Variants in UTP6 observed in about 807,000 individuals in gnomAD.
UTP6 encodes U3 small nucleolar RNA-associated protein 6 homolog.
A neutral mutation model predicts 96.5 loss-of-function variants in UTP6; 60 were observed. The observed-to-expected ratio is 0.62, with a 90% confidence interval of 0.51 to 0.77. The LOEUF (loss-of-function observed/expected upper bound fraction) is 0.77, where lower values mean the gene tolerates loss of function less well. Among genes scored for constraint, UTP6 ranks in the 30% least tolerant of loss-of-function variants. The probability of loss-of-function intolerance (pLI) is 0.00; values close to 1 mark genes in which losing one functional copy is unlikely to be tolerated. For missense variants in UTP6, 637 were observed against 706.5 expected (o/e 0.90, Z 1.12); for synonymous variants, 215 against 240.1 (o/e 0.90, Z 0.96).
At chr17:31,894,903 C>T (rs547859854) in intron 3 of UTP6, 67 bp downstream of exon 3, 1 of 1,412,814 alleles carries the variant, frequency 7.1e-7, no homozygotes, top group African/African-American at 1.4e-5. Context: ...AAACACAAGT[C>T]CTAACTATAC....
At position 31,901,623 on chromosome 17, in the gene UTP6, G is replaced by A; in HGVS notation, c.5C>T (p.Ala2Val). The A allele has an allele frequency of 1.1e-5, 18 of 1,613,602 alleles. No individual in the cohort carries two copies. Among genetic ancestry groups the A allele is most frequent in the Non-Finnish European group, 1.4e-5 (17 of 1,180,006 alleles). ...TTCTATGCGTTCCTGAATTATCTCT[G>A]CCATGAGGTCCGAGGTCTACAACCC... is the stretch of plus-strand genomic sequence containing the variant. M[A>V]EIIQERIEDR... Residue 2 changes from alanine to valine, a missense_variant, in exon 1 of 19, where the codon GCA becomes GTA. Transcript: ENST00000261708.
intron 7 of UTP6, among the ~76,000 whole-genome samples, chr17:31,888,794 G>A (rs547437855): frequency 1.6e-4 from 24 of 152,298 alleles, no homozygotes; most frequent in African/African-American, 5.3e-4. Flanking sequence ...TACATGGGCC[G>A]GGCGCAGTGG....
At chr17:31,873,544 A>G in intron 15 of UTP6, 57 bp from the exon 16 acceptor site, 1 of 1,606,470 alleles carries the variant, frequency 6.2e-7, no homozygotes, top group Non-Finnish European at 8.5e-7. Context: ...AGATACCAAA[A>G]CAGATTTTCC....
intron 10 of UTP6, among the ~76,000 whole-genome samples, chr17:31,884,095 T>C (rs1164704491): frequency 2.0e-5 from 3 of 149,558 alleles, no homozygotes; most frequent in African/African-American, 7.4e-5. Context: ...GCCTCCCAGG[T>C]TCAAGCGAGT....
intron 13 of UTP6, 35 bp downstream of exon 13, chr17:31,878,215 G>T (rs1326806737): frequency 8.1e-6 from 13 of 1,604,524 alleles, no homozygotes; most frequent in Non-Finnish European, 1.1e-5. Flanking sequence ...TAAGGTATTT[G>T]TAACTGGCAC....
rs763943203 is a variant in UTP6 at position 31,887,247 on chromosome 17, T to C, written c.610A>G (p.Ser204Gly). The C allele has an allele frequency of 1.2e-6, 2 of 1,614,120 alleles. No individual in the cohort carries two copies. The highest frequency in any genetic ancestry group is 8.5e-7 in the Non-Finnish European group (1 of 1,179,948). Reference sequence around the variant, plus strand: ...AATTAGAACCTTACCACATCCATACTGGCTTTTTCAAATTCTTCCTTCTCC... The same window carrying C: ...AATTAGAACCTTACCACATCCATACCGGCTTTTTCAAATTCTTCCTTCTCC... ...RKEKEEFEKA[S>G]MDVENPDYSE... The change falls in exon 8 of 19, where the codon AGT becomes GGT. Residue 204 changes from serine to glycine, a missense_variant. By Grantham distance (56) the Ser-to-Gly change is moderately conservative. Transcript: ENST00000261708.
chr17:31,899,621 AAG>A, intron 2 of UTP6, 23 bp downstream of exon 2: 1 of 1,542,640 alleles, frequency 6.5e-7, no homozygotes, highest in Non-Finnish European at 8.7e-7. Context: ...GAAAAAAAGA[AAG>A]AAATTATTAA....
chr17:31,891,894 GCACCT>G (rs1904341346), intron 6 of UTP6, among the ~76,000 whole-genome samples: 1 of 152,104 alleles, frequency 6.6e-6, no homozygotes, highest in South Asian at 2.1e-4. Context: ...GTGGTGGCGG[GCACCT>G]GTAATCCCAC....
At chr17:31,889,121 C>A (rs1433992662) in intron 7 of UTP6, among the ~76,000 whole-genome samples, 164 bp downstream of exon 7, 1 of 148,408 alleles carries the variant, frequency 6.7e-6, no homozygotes, top group Non-Finnish European at 1.5e-5. Context: ...CCCGCCTCTA[C>A]TAAAAATACA....
intron 4 of UTP6, among the ~76,000 whole-genome samples, chr17:31,893,303 G>A (rs1206979309): frequency 2.6e-5 from 4 of 151,982 alleles, no homozygotes; most frequent in African/African-American, 9.7e-5. Flanking sequence ...GTATGTGCCT[G>A]TAATCCCAGC....
Position 31,892,729 on chromosome 17 carries a change from A to G in UTP6, c.360+18T>C. The stretch of plus-strand genomic sequence containing the variant: ...AAAAGACGGTCAGAGGAAGCAAGAC[A>G]TGCATGGCTTTACTCACCCACTTCT... On this transcript the variant is annotated intron_variant, in intron 5 of 18. Coordinates refer to ENST00000261708, the MANE Select transcript of UTP6 (RefSeq NM_018428.3). 2.5e-6 allele frequency: 4 copies of G among 1,614,114 alleles called. No individual in the cohort carries two copies. Among genetic ancestry groups the G allele is most frequent in the Non-Finnish European group, 3.4e-6 (4 of 1,179,988 alleles).
intron 14 of UTP6, 39 bp downstream of exon 14, chr17:31,875,195 T>A (rs769390449): frequency 6.2e-7 from 1 of 1,607,970 alleles, no homozygotes; most frequent in Non-Finnish European, 8.5e-7. Context: ...TTAAAAGGTT[T>A]CCCAAATATA....
At chr17:31,872,582 G>A (rs1475261172) in intron 16 of UTP6, among the ~76,000 whole-genome samples, 1 of 151,864 alleles carries the variant, frequency 6.6e-6, no homozygotes, top group Non-Finnish European at 1.5e-5. Flanking sequence ...AGGCTGAGGT[G>A]GGCGGACTGC....
chr17:31,867,524 G>C (rs1220551385), intron 17 of UTP6, among the ~76,000 whole-genome samples: 5 of 145,278 alleles, frequency 3.4e-5, no homozygotes, highest in African/African-American at 1.3e-4. Flanking sequence ...AAAAAAAAAA[G>C]TAACATGTAA....
At chr17:31,870,612 C>G (rs1471279804) in intron 16 of UTP6, among the ~76,000 whole-genome samples, 1 of 151,060 alleles carries the variant, frequency 6.6e-6, no homozygotes, top group Non-Finnish European at 1.5e-5. Context: ...AGCTCCGCCT[C>G]CCGGGTTCAT....
At chr17:31,863,901 A>G (rs767395904) in intron 18 of UTP6, among the ~76,000 whole-genome samples, 5 of 152,054 alleles carry the variant, frequency 3.3e-5, no homozygotes, top group African/African-American at 7.2e-5. Context: ...GGGTTTCACT[A>G]TATTGCCCAG....
chr17:31,873,934 T>C (rs1910341666), intron 14 of UTP6, 181 bp from the exon 15 acceptor site: 3 of 599,176 alleles, frequency 5.0e-6, no homozygotes, highest in Admixed American at 3.7e-5. Flanking sequence ...ACATGTAAAA[T>C]AGGGATTCAT....
chr17:31,877,966 CAAAAAAAA>C (rs527445811), intron 13 of UTP6, among the ~76,000 whole-genome samples: 1 of 52,268 alleles, frequency 1.9e-5, no homozygotes, highest in East Asian at 4.9e-4. Flanking sequence ...AACTCCGTCT[CAAAAAAAA>C]AAAAAAAAAA....
At chr17:31,880,441 A>G (rs936299773) in intron 11 of UTP6, 132 bp downstream of exon 11, 2 of 1,033,558 alleles carry the variant, frequency 1.9e-6, no homozygotes, top group Non-Finnish European at 2.8e-6. Flanking sequence ...AAAAAAAAAA[A>G]GGCCAGGCTC....
Sources: gnomAD v4.1 joint callset for allele counts (sites outside exome capture counted in the v4.1 genomes callset) on GRCh38, gnomAD v4.1.1 for gene constraint, MANE v1.5 for transcripts, NCBI Gene and HGNC (gene_info 2026-07-23, HGNC 2026-07-21) for gene names.